Variants in TENM4 observed in about 807,000 individuals in gnomAD.
TENM4 encodes the protein teneurin-4.
A neutral mutation model predicts 243.3 loss-of-function variants in TENM4; 82 were observed. The observed-to-expected ratio is 0.34, with a 90% CI of 0.28 to 0.40. The LOEUF is 0.40. Among genes scored for constraint, TENM4 ranks in the 10% least tolerant of loss-of-function variants. TENM4 has a pLI of 1.00. For synonymous variants in TENM4, 1,412 were observed against 1,456.3 expected (o/e 0.97, Z 0.69); for missense variants, 3,138 against 3,673.3 (o/e 0.85, Z 3.77).
chr11:78,740,776 G>C (rs1855912238), intron 19 of TENM4, among the ~76,000 whole-genome samples: 1 of 152,182 alleles, frequency 6.6e-6, no homozygotes, highest in Non-Finnish European at 1.5e-5. Context: ...TTCTGGGGCT[G>C]TCCTGGCTGC....
intron 2 of TENM4, among the ~76,000 whole-genome samples, chr11:79,243,226 G>C (rs561145077): frequency 2.0e-4 from 31 of 152,054 alleles, no homozygotes; most frequent in Admixed American, 4.6e-4. Flanking sequence ...GTGTTTCGGG[G>C]GTCATTTTTA....
chr11:78,820,485 A>G (rs1443762998), intron 12 of TENM4, among the ~76,000 whole-genome samples: 1 of 152,234 alleles, frequency 6.6e-6, no homozygotes, highest in Non-Finnish European at 1.5e-5. Flanking sequence ...TGGGGTGAAC[A>G]GTAACACACA....
intron 2 of TENM4, among the ~76,000 whole-genome samples, chr11:79,241,278 G>A (rs1864583653): frequency 6.6e-6 from 1 of 152,024 alleles, no homozygotes; most frequent in Non-Finnish European, 1.5e-5. Context: ...TTTGTGTGTG[G>A]GAGGGAGAAA....
intron 18 of TENM4, among the ~76,000 whole-genome samples, chr11:78,765,631 C>CTT (rs1016923502): frequency 3.0e-4 from 46 of 152,268 alleles, no homozygotes; most frequent in African/African-American, 1.1e-3. Context: ...ATCCTGGAGG[C>CTT]TTTTTAAAAA....
intron 4 of TENM4, among the ~76,000 whole-genome samples, chr11:79,091,726 A>T (rs1860957296): frequency 6.6e-6 from 1 of 152,262 alleles, no homozygotes; most frequent in Non-Finnish European, 1.5e-5. Flanking sequence ...GGACTGCAGG[A>T]TGCCAACACA....
chr11:79,001,140 A>G (rs2136702784), intron 6 of TENM4, among the ~76,000 whole-genome samples: 1 of 152,378 alleles, frequency 6.6e-6, no homozygotes, highest in African/African-American at 2.4e-5. Flanking sequence ...TAAAAAAGCA[A>G]GATCCAATGA....
intron 9 of TENM4, among the ~76,000 whole-genome samples, chr11:78,878,751 G>C (rs1859335359): frequency 6.6e-6 from 1 of 152,188 alleles, no homozygotes; most frequent in African/African-American, 2.4e-5. Flanking sequence ...GAGTAACAGA[G>C]CTGTTCACGC....
rs563679922 is a variant in TENM4 at position 79,246,892 on chromosome 11, C to A, written c.-264-30983G>T. Among the ~76,000 whole-genome samples, 142 of 150,732 alleles carry A rather than the reference C, an allele frequency of 9.4e-4. 1 individual carries two copies. The highest frequency in any genetic ancestry group is 5.7e-3 in the Admixed American group (87 of 15,162). On this transcript the variant is annotated intron_variant, in intron 2 of 33. Transcript: ENST00000278550. ...TATTACCGGTGTTCTATTTTTTGCC[C>A]TGAGTAGTGGTAACATGATGTTCAC...
chr11:79,128,517 C>A (rs566982343), intron 4 of TENM4, among the ~76,000 whole-genome samples: 16 of 152,330 alleles, frequency 1.1e-4, no homozygotes, highest in African/African-American at 3.8e-4. Context: ...ACCCTGCCTT[C>A]TCTCCCCGAG....
intron 4 of TENM4, among the ~76,000 whole-genome samples, chr11:79,107,940 T>G (rs542262374): frequency 6.6e-6 from 1 of 152,284 alleles, no homozygotes; most frequent in South Asian, 2.1e-4. Context: ...GGTTCCCAAA[T>G]CCCTTCTCCA....
At chr11:78,937,561 C>T (rs1856811858) in intron 6 of TENM4, among the ~76,000 whole-genome samples, 1 of 152,186 alleles carries the variant, frequency 6.6e-6, no homozygotes, top group Non-Finnish European at 1.5e-5. Context: ...TATTAACAAC[C>T]TGCAGAGCTA....
At chr11:79,129,749 G>A (rs536454394) in intron 4 of TENM4, among the ~76,000 whole-genome samples, 16 of 152,214 alleles carry the variant, frequency 1.1e-4, no homozygotes, top group Admixed American at 3.3e-4. Context: ...AGGAGAGTCT[G>A]AGCTCAGACA....
chr11:78,941,704 C>A (rs1856899349), intron 6 of TENM4, among the ~76,000 whole-genome samples: 1 of 152,154 alleles, frequency 6.6e-6, no homozygotes, highest in Admixed American at 6.5e-5. Context: ...GTTGTAGAAT[C>A]CAGAGCAGAC....
chr11:78,805,451 C>A lies in TENM4; in HGVS notation c.2020G>T (p.Val674Leu). ...DPTCSGRGVC[V>L]RGECHCSVGW... ...ACAGAGCAGTGGCATTCGCCTCTCA[C>A]GCAGACACCCCGGCCTGAACATGTG... Residue 674 changes from valine to leucine, a missense_variant, in exon 15 of 34, where the codon GTG (valine) becomes TTG (leucine). This residue lies in a region of TENM4 where 2,467 missense variants were observed against 3,059.1 expected (regional missense o/e 0.81). Transcript: ENST00000278550. The A allele has an allele frequency of 6.3e-7, 1 of 1,595,654 alleles. No homozygotes were observed. Among genetic ancestry groups the A allele is most frequent in the Non-Finnish European group, 8.5e-7 (1 of 1,170,964 alleles).
Position 78,812,152 on chromosome 11 carries a change from GGTT to G in TENM4, c.1945_1947del (p.Asn649del). 1 of 1,551,660 alleles carries G rather than the reference GGTT, an allele frequency of 6.4e-7. No homozygotes were observed. Among genetic ancestry groups the G allele is most frequent in the African/African-American group, 1.4e-5 (1 of 73,176 alleles). On this transcript the variant is annotated inframe_deletion, in exon 14 of 34. Transcript: ENST00000278550. ...TCACAGCTCTCGCCCTTGTAGCCAGGGTTGCAGATGCAGGTGCCCGTGATGCAG... is the reference window on the plus strand; with the variant it reads ...TCACAGCTCTCGCCCTTGTAGCCAGGGCAGATGCAGGTGCCCGTGATGCAG...
chr11:78,839,416 G>A (rs1204993354), intron 12 of TENM4, among the ~76,000 whole-genome samples: 1 of 151,844 alleles, frequency 6.6e-6, no homozygotes, highest in East Asian at 1.9e-4. Flanking sequence ...TTTTGACTGG[G>A]GCATTTTTCA....
At chr11:78,731,009 G>C (rs1855653811) in intron 21 of TENM4, among the ~76,000 whole-genome samples, 1 of 152,162 alleles carries the variant, frequency 6.6e-6, no homozygotes, top group African/African-American at 2.4e-5. Flanking sequence ...CCCAGCACTT[G>C]CAAAGGTTAA....
chr11:79,332,788 T>G (rs1857082814), intron 1 of TENM4, among the ~76,000 whole-genome samples: 3 of 152,196 alleles, frequency 2.0e-5, no homozygotes, highest in Non-Finnish European at 4.4e-5. Context: ...TACGTTGTCC[T>G]GGCTAAGCAG....
chr11:79,305,200 G>T (rs1222190631), intron 1 of TENM4, among the ~76,000 whole-genome samples: 1 of 152,216 alleles, frequency 6.6e-6, no homozygotes, highest in African/African-American at 2.4e-5. Flanking sequence ...TATGTAAGTT[G>T]TGTGACACTG....
Sources: allele counts gnomAD v4.1 joint callset (sites outside exome capture counted in the v4.1 genomes callset), GRCh38; gene constraint gnomAD v4.1.1; regional missense constraint gnomAD v4.1.1; transcripts MANE v1.5; gene names NCBI Gene and HGNC (gene_info 2026-07-23, HGNC 2026-07-21).